Variants in ENTPD1 observed in about 807,000 individuals in gnomAD.
ENTPD1 encodes the protein ATP diphosphohydrolase.
A neutral mutation model predicts 57.0 loss-of-function variants in ENTPD1; 33 were observed. The ratio of observed to expected loss-of-function variants is 0.58; its 90% CI spans 0.44 to 0.77. The LOEUF is 0.77. Among genes scored for constraint, ENTPD1 ranks in the 30% least tolerant of loss-of-function variants. ENTPD1 has a pLI of 0.00. For missense variants in ENTPD1, 501 were observed against 603.4 expected, an observed-to-expected ratio of 0.83 and a Z score of 1.78; for synonymous variants, 202 against 218.8, an observed-to-expected ratio of 0.92 and a Z score of 0.68.
upstream of ENTPD1, among the ~76,000 whole-genome samples, chr10:95,711,450 T>G (rs749367609): frequency 1.5e-4 from 23 of 152,212 alleles, no homozygotes; most frequent in Non-Finnish European, 2.8e-4. Flanking sequence ...CATACTTGGT[T>G]GAACCTAAGC....
chr10:95,742,293 C>A (rs1235424546), intron 1 of ENTPD1, among the ~76,000 whole-genome samples: 3 of 152,074 alleles, frequency 2.0e-5, no homozygotes, highest in African/African-American at 7.2e-5. Context: ...CATCTCAGAG[C>A]TACTTTAAGT....
intron 7 of ENTPD1, among the ~76,000 whole-genome samples, chr10:95,860,264 G>A (rs2098463200): frequency 6.6e-6 from 1 of 151,992 alleles, no homozygotes; most frequent in Admixed American, 6.5e-5. Flanking sequence ...AAAAGTAACT[G>A]CCAGGTGGCT....
chr10:95,711,827 A>G (rs926412148), exon 1 of ENTPD1: 1 of 1,343,738 alleles, frequency 7.4e-7, no homozygotes, highest in Non-Finnish European at 1.1e-6. Context: ...CTTTTCTCCT[A>G]TTAACCTGCC....
chr10:95,840,471 T>G (rs1436012491), intron 3 of ENTPD1, among the ~76,000 whole-genome samples: 1 of 152,346 alleles, frequency 6.6e-6, no homozygotes, highest in African/African-American at 2.4e-5. Flanking sequence ...TTTTCAAAGC[T>G]TTCAGCTTCT....
At position 95,847,592 on chromosome 10, in the gene ENTPD1, A is replaced by C; in HGVS notation, c.960A>C (p.Gly320=). 3 of 1,614,202 alleles carry C rather than the reference A, an allele frequency of 1.9e-6. No homozygotes were observed. The highest frequency in any genetic ancestry group is 8.5e-7 in the Non-Finnish European group (1 of 1,180,032). The change falls in exon 7 of 10, where the codon GGA becomes GGC. Residue 320 remains glycine, a synonymous_variant. Transcript: ENST00000371205. ...AGCAGTTTGAAATCCAGGGTATTGG[A>C]AACTATCAACAATGCCATCAAAGCA... is the stretch of plus-strand genomic sequence containing the variant. ...PFQQFEIQGI[G]NYQQCHQSIL...
intron 1 of ENTPD1, among the ~76,000 whole-genome samples, chr10:95,735,969 C>T (rs891506937): frequency 6.0e-5 from 9 of 149,754 alleles, no homozygotes; most frequent in African/African-American, 1.7e-4. Context: ...GGAGTTGTTA[C>T]GTACTTTGGT....
intron 7 of ENTPD1, among the ~76,000 whole-genome samples, chr10:95,856,024 CAG>C (rs2098454056): frequency 6.6e-6 from 1 of 152,180 alleles, no homozygotes; most frequent in Non-Finnish European, 1.5e-5. Context: ...TAATATCCCG[CAG>C]AGTGTTTTCC....
At chr10:95,839,153 G>T (rs954881200) in intron 2 of ENTPD1, 1 of 154,758 alleles carries the variant, frequency 6.5e-6, no homozygotes, top group Non-Finnish European at 1.4e-5. Flanking sequence ...GTAACTCAGT[G>T]GTTCCCAAAC....
At chr10:95,831,443 C>A (rs1428651082) in intron 2 of ENTPD1, among the ~76,000 whole-genome samples, 2 of 152,254 alleles carry the variant, frequency 1.3e-5, no homozygotes, top group East Asian at 1.9e-4. Context: ...ACTGATGCTT[C>A]TTCTCTTGTA....
At chr10:95,769,514 T>C (rs4431963) in intron 1 of ENTPD1, among the ~76,000 whole-genome samples, 82,040 of 152,084 alleles carry the variant, frequency 0.54, 22,557 homozygotes, top group Admixed American at 0.63. Flanking sequence ...TTGGCCTAAA[T>C]AGAATGTCTA....
At chr10:95,711,634 G>A (rs1214454554), upstream of ENTPD1, 10 of 309,752 alleles carry the variant, frequency 3.2e-5, no homozygotes, top group Non-Finnish European at 6.2e-5. Context: ...TTTTTGTACA[G>A]ATGGAATCTT....
rs527623502 is a variant in ENTPD1, at chr10:95,815,595, A to C, written c.17-7642A>C. 3.3e-5 allele frequency among the ~76,000 whole-genome samples: 5 copies of C among 152,314 alleles called. No homozygotes were observed. In the East Asian group the frequency reaches 9.6e-4, roughly 29 times the overall value. On this transcript the variant is annotated intron_variant, in intron 1 of 9. Coordinates refer to ENST00000371205, the MANE Select transcript of ENTPD1 (RefSeq NM_001776.6). The stretch of plus-strand genomic sequence containing the variant: ...GAGCCTCAGTCATGTATTGTAGGGT[A>C]GGGTGCTGGTTAAAAGCCTGGACCT...
Position 95,867,391 on chromosome 10 carries a change from A to T in ENTPD1, c.*1008A>T. ...ACTATCCTGGGTAGGCAGAAACCAT[A>T]GATCTTTTGTGTTTACAGCTATGGA... is the stretch of plus-strand genomic sequence containing the variant. On this transcript the variant is annotated 3_prime_UTR_variant, in exon 10 of 10. Transcript: ENST00000371205. 1.0e-6 allele frequency: 1 copy of T among 985,480 alleles called. No individual in the cohort carries two copies. Among genetic ancestry groups the T allele is most frequent in the Non-Finnish European group, 1.2e-6 (1 of 829,940 alleles). 61.0% of individuals were successfully genotyped at this position (985,480 alleles called of 1,614,324 possible).
chr10:95,873,265 A>T lies in ENTPD1; in HGVS notation c.*6882A>T, dbSNP rs957664342. ...CCACTACCTGACTACTGTCATTCAC[A>T]GGCATTCTGTTCCACAGCAGGCCAG... On this transcript the variant is annotated 3_prime_UTR_variant, in exon 10 of 10. Coordinates refer to ENST00000371205, the MANE Select transcript of ENTPD1 (RefSeq NM_001776.6). 3.0e-6 allele frequency: 3 copies of T among 984,922 alleles called. No individual in the cohort carries two copies. Among genetic ancestry groups the T allele is most frequent in the Non-Finnish European group, 3.6e-6 (3 of 829,468 alleles). 61.0% of individuals were successfully genotyped at this position (984,922 alleles called of 1,614,324 possible). A position where few individuals can be genotyped will look rare whatever the true frequency, so the allele number is the denominator to read the frequency against.
intron 7 of ENTPD1, among the ~76,000 whole-genome samples, chr10:95,850,924 T>C (rs182484077): frequency 6.6e-6 from 1 of 152,348 alleles, no homozygotes; most frequent in East Asian, 1.9e-4. Flanking sequence ...ACAGTTGCAT[T>C]CAGCACTGAT....
intron 1 of ENTPD1, among the ~76,000 whole-genome samples, chr10:95,760,153 G>A (rs376306794): frequency 6.6e-6 from 1 of 152,144 alleles, no homozygotes; most frequent in Non-Finnish European, 1.5e-5. Flanking sequence ...GCAACATGAT[G>A]AGACTTTGTC....
intron 2 of ENTPD1, among the ~76,000 whole-genome samples, chr10:95,824,229 A>T (rs2098365183): frequency 6.6e-6 from 1 of 152,274 alleles, no homozygotes; most frequent in Non-Finnish European, 1.5e-5. Context: ...ATATGCTAAT[A>T]TGCATGTATG....
chr10:95,837,201 C>T (rs1335433667), intron 2 of ENTPD1, among the ~76,000 whole-genome samples: 1 of 152,160 alleles, frequency 6.6e-6, no homozygotes, highest in Admixed American at 6.5e-5. Context: ...TTCGTATCAA[C>T]AATGTTAGAA....
intron 1 of ENTPD1, among the ~76,000 whole-genome samples, chr10:95,810,390 C>A (rs866308111): frequency 4.0e-4 from 60 of 150,396 alleles, no homozygotes; most frequent in South Asian, 1.3e-3. Flanking sequence ...GGCAGAGGTG[C>A]TCCTCACTTC....
Sources: gnomAD v4.1 joint callset for allele counts (sites outside exome capture counted in the v4.1 genomes callset) on GRCh38, gnomAD v4.1.1 for gene constraint, MANE v1.5 for transcripts, NCBI Gene and HGNC (gene_info 2026-07-23, HGNC 2026-07-21) for gene names.